The following TBC1D22A variants were observed in gnomAD, a reference collection of about 807,000 sequenced individuals.
TBC1D22A encodes the protein TBC1 domain family member 22A.
In TBC1D22A, 38 loss-of-function variants were observed where a neutral mutation model predicts 60.2. That is an observed-to-expected ratio of 0.63 (90% CI 0.49 to 0.83). The LOEUF is 0.83. Among genes scored for constraint, TBC1D22A ranks in the 40% least tolerant of loss-of-function variants. The pLI, the probability that TBC1D22A is intolerant of heterozygous loss-of-function variation, is 0.00. For synonymous variants in TBC1D22A, 302 were observed against 281.7 expected, an observed-to-expected ratio of 1.07 and a Z score of -0.72; for missense variants, 628 against 701.0, an observed-to-expected ratio of 0.90 and a Z score of 1.18.
chr22:46,865,094 A>G (rs1201162928), intron 4 of TBC1D22A, among the ~76,000 whole-genome samples: 1 of 152,110 alleles, frequency 6.6e-6, no homozygotes, highest in African/African-American at 2.4e-5. Flanking sequence ...TCCATCTCCC[A>G]ACCTCCATTG....
At chr22:47,051,137 G>A (rs76108272) in intron 11 of TBC1D22A, among the ~76,000 whole-genome samples, 4,101 of 152,226 alleles carry the variant, frequency 0.027, 186 homozygotes, top group African/African-American at 0.091. Flanking sequence ...TCCTCCCTCG[G>A]GGCTGTAGAT....
intron 4 of TBC1D22A, among the ~76,000 whole-genome samples, chr22:46,835,334 A>C (rs781219880): frequency 3.3e-5 from 5 of 152,278 alleles, no homozygotes; most frequent in Admixed American, 2.0e-4. Context: ...TTGAGAAAAC[A>C]GACAACTCAA....
At chr22:46,794,318 C>T (rs542898472) in intron 3 of TBC1D22A, among the ~76,000 whole-genome samples, 8 of 152,326 alleles carry the variant, frequency 5.3e-5, no homozygotes, top group African/African-American at 1.9e-4. Context: ...GGTGTGCGTA[C>T]ACGTGGGCTC....
intron 11 of TBC1D22A, among the ~76,000 whole-genome samples, chr22:47,082,757 C>G (rs2064522083): frequency 6.6e-6 from 1 of 152,222 alleles, no homozygotes; most frequent in Admixed American, 6.5e-5. Flanking sequence ...GTGGCTCAGC[C>G]AGAAGCCCCA....
intron 8 of TBC1D22A, among the ~76,000 whole-genome samples, chr22:46,946,811 T>C (rs1017625713): frequency 2.0e-5 from 3 of 152,162 alleles, no homozygotes; most frequent in Non-Finnish European, 4.4e-5. Flanking sequence ...CTTGACTGCA[T>C]TAGGAAGTGC....
chr22:47,130,002 C>T (rs1214685474), intron 12 of TBC1D22A, among the ~76,000 whole-genome samples: 1 of 152,228 alleles, frequency 6.6e-6, no homozygotes, highest in Non-Finnish European at 1.5e-5. Context: ...ACGGCCATGC[C>T]CTCGTGCCCG....
chr22:46,765,191 C>T (rs2083241526), intron 1 of TBC1D22A, among the ~76,000 whole-genome samples: 1 of 152,200 alleles, frequency 6.6e-6, no homozygotes, highest in African/African-American at 2.4e-5. Context: ...CCAGGAAGGC[C>T]TGTGAAGCCT....
chr22:46,943,251 TC>T (rs1383442180), intron 8 of TBC1D22A, among the ~76,000 whole-genome samples: 2 of 152,082 alleles, frequency 1.3e-5, no homozygotes, highest in Non-Finnish European at 2.9e-5. Context: ...ATGAGCCTCC[TC>T]TCCCACTCAG....
chr22:46,778,880 C>T (rs2083817281), intron 1 of TBC1D22A, among the ~76,000 whole-genome samples: 1 of 152,098 alleles, frequency 6.6e-6, no homozygotes, highest in East Asian at 1.9e-4. Flanking sequence ...CCCGTCTCTA[C>T]TAAAAGTACA....
At chr22:47,109,774 G>A (rs1011433660) in intron 11 of TBC1D22A, among the ~76,000 whole-genome samples, 4 of 151,900 alleles carry the variant, frequency 2.6e-5, no homozygotes, top group African/African-American at 9.7e-5. Flanking sequence ...TCTGTCATAC[G>A]CGTTGGTGTG....
At chr22:46,897,858 A>G (rs375492206) in intron 7 of TBC1D22A, among the ~76,000 whole-genome samples, 1 of 152,084 alleles carries the variant, frequency 6.6e-6, no homozygotes, top group South Asian at 2.1e-4. Context: ...TTGCTTCAGT[A>G]AAGGCACGTT....
intron 1 of TBC1D22A, chr22:46,773,939 C>T (rs1260794265): frequency 6.1e-6 from 6 of 985,382 alleles, no homozygotes; most frequent in Non-Finnish European, 7.2e-6. Flanking sequence ...AAGTCTGTGC[C>T]CTTACCCATC....
At chr22:46,797,325 G>C in intron 3 of TBC1D22A, 119 bp from the exon 4 acceptor site, 1 of 1,127,182 alleles carries the variant, frequency 8.9e-7, no homozygotes, top group Non-Finnish European at 1.3e-6. Context: ...GGTCCCCACT[G>C]CTGAGTGATG....
intron 12 of TBC1D22A, among the ~76,000 whole-genome samples, chr22:47,159,146 A>G: frequency 6.6e-6 from 1 of 151,152 alleles, no homozygotes; most frequent in Admixed American, 6.6e-5. Context: ...CTGTGTACAC[A>G]CATCACACAC....
chr22:46,770,085 T>C (rs2083435005), intron 1 of TBC1D22A, among the ~76,000 whole-genome samples: 1 of 152,152 alleles, frequency 6.6e-6, no homozygotes, highest in African/African-American at 2.4e-5. Flanking sequence ...AATGGGGGAA[T>C]TGTCCTGTTA....
At chr22:46,933,850 C>A (rs2071493128) in intron 8 of TBC1D22A, among the ~76,000 whole-genome samples, 1 of 152,238 alleles carries the variant, frequency 6.6e-6, no homozygotes, top group Non-Finnish European at 1.5e-5. Flanking sequence ...TTGGGAAACA[C>A]AGCTTTAGTG....
chr22:47,165,579 C>A (rs985754457), intron 12 of TBC1D22A, among the ~76,000 whole-genome samples: 1 of 152,206 alleles, frequency 6.6e-6, no homozygotes, highest in East Asian at 1.9e-4. Flanking sequence ...CCACTGCCCC[C>A]GACAGTGGTA....
chr22:47,032,800 A>G (rs1047787015), intron 10 of TBC1D22A, among the ~76,000 whole-genome samples: 1 of 152,164 alleles, frequency 6.6e-6, no homozygotes, highest in Admixed American at 6.5e-5. Context: ...GGCGGCACCC[A>G]CTTGCTGCAG....
intron 4 of TBC1D22A, among the ~76,000 whole-genome samples, chr22:46,848,395 T>C (rs1488421807): frequency 6.6e-6 from 1 of 152,242 alleles, no homozygotes; most frequent in Non-Finnish European, 1.5e-5. Context: ...TCTAGGCTCA[T>C]GAACTAGTCT....
Sources: gnomAD v4.1 joint callset for allele counts (sites outside exome capture counted in the v4.1 genomes callset) on GRCh38, gnomAD v4.1.1 for gene constraint, MANE v1.5 for transcripts, NCBI Gene and HGNC (gene_info 2026-07-23, HGNC 2026-07-21) for gene names.